The following FSTL5 variants were observed in gnomAD, a reference collection of about 807,000 sequenced individuals.
FSTL5 encodes follistatin like 5.
Under a neutral mutation model 89.1 loss-of-function variants are expected in FSTL5, and 62 were observed. The ratio of observed to expected loss-of-function variants is 0.70; its 90% CI spans 0.57 to 0.86. The LOEUF (loss-of-function observed/expected upper bound fraction) is 0.86, where lower values mean the gene tolerates loss of function less well. Ranked by LOEUF, FSTL5 falls within the 40% of genes least tolerant of loss-of-function variation. The pLI, the probability that FSTL5 is intolerant of heterozygous loss-of-function variation, is 0.00. For missense variants in FSTL5, 1,057 were observed against 1,001.6 expected, an observed-to-expected ratio of 1.06 and a Z score of -0.75; for synonymous variants, 383 against 346.2, an observed-to-expected ratio of 1.11 and a Z score of -1.18.
At chr4:161,561,592 G>A (rs1358745602) in intron 8 of FSTL5, among the ~76,000 whole-genome samples, 2 of 151,624 alleles carry the variant, frequency 1.3e-5, no homozygotes, top group African/African-American at 2.4e-5. Context: ...ACTTTAACAG[G>A]GAATTTAATG....
At chr4:162,137,436 A>G (rs903264358) in intron 1 of FSTL5, among the ~76,000 whole-genome samples, 7 of 151,850 alleles carry the variant, frequency 4.6e-5, no homozygotes, top group South Asian at 2.1e-4. Flanking sequence ...ACACAAGAAC[A>G]AAGTGGCTAG....
chr4:162,153,692 T>TATGTATATTATATATATATATAATA (rs1733332824), intron 1 of FSTL5, among the ~76,000 whole-genome samples: 1 of 83,452 alleles, frequency 1.2e-5, no homozygotes, highest in Non-Finnish European at 2.7e-5. Context: ...TATATAATAA[T>TATGTATATTATATATATATATAATA]ATATATGTAT....
At position 161,426,166 on chromosome 4, in the gene FSTL5, T is replaced by C. The variant is rs1732161133; in HGVS notation, c.1841+28838A>G. On this transcript the variant is annotated intron_variant, in intron 15 of 15. Transcript: ENST00000306100. Reference sequence around the variant, plus strand: ...TTCATTATATATAATGATTAAATTTTTGAATTAACTATATGTAGCAACTCT... The same window carrying C: ...TTCATTATATATAATGATTAAATTTCTGAATTAACTATATGTAGCAACTCT... Among the ~76,000 whole-genome samples the C allele has an allele frequency of 4.6e-5, 7 of 152,308 alleles. No individual in the cohort carries two copies. The South Asian group carries it at 1.4e-3, about 32-fold the overall frequency.
intron 2 of FSTL5, among the ~76,000 whole-genome samples, chr4:162,093,816 A>G (rs1448149451): frequency 6.6e-6 from 1 of 152,128 alleles, no homozygotes; most frequent in Non-Finnish European, 1.5e-5. Context: ...ATTACATACT[A>G]ATTCGCATTT....
intron 15 of FSTL5, among the ~76,000 whole-genome samples, chr4:161,430,554 C>G (rs1020270278): frequency 6.6e-6 from 1 of 152,124 alleles, no homozygotes; most frequent in African/African-American, 2.4e-5. Flanking sequence ...TCCTGGCTAA[C>G]ACGGTGAAAC....
At chr4:161,547,618 AT>A (rs1302199730) in intron 8 of FSTL5, among the ~76,000 whole-genome samples, 1 of 151,944 alleles carries the variant, frequency 6.6e-6, no homozygotes, top group African/African-American at 2.4e-5. Context: ...TATTGAGTTA[AT>A]TATAGACATT....
At chr4:162,078,394 GTTTAA>G (rs1379684771) in intron 2 of FSTL5, among the ~76,000 whole-genome samples, 1 of 151,760 alleles carries the variant, frequency 6.6e-6, no homozygotes, top group Non-Finnish European at 1.5e-5. Context: ...AAGTGTAATG[GTTTAA>G]TTTATTTAGT....
intron 6 of FSTL5, among the ~76,000 whole-genome samples, chr4:161,705,965 T>C (rs1293547537): frequency 5.2e-5 from 4 of 76,928 alleles, no homozygotes; most frequent in South Asian, 1.1e-3. Context: ...TATATATATA[T>C]ATATATATAT....
intron 2 of FSTL5, among the ~76,000 whole-genome samples, chr4:162,039,542 T>C (rs1343439657): frequency 6.6e-6 from 1 of 151,938 alleles, no homozygotes; most frequent in African/African-American, 2.4e-5. Context: ...GCATTTCCTT[T>C]AGTTGAATAG....
At chr4:161,707,602 C>A (rs1738625576) in intron 6 of FSTL5, among the ~76,000 whole-genome samples, 1 of 151,764 alleles carries the variant, frequency 6.6e-6, no homozygotes, top group African/African-American at 2.4e-5. Flanking sequence ...TAACATTTTT[C>A]TTCCAATTTT....
intron 6 of FSTL5, among the ~76,000 whole-genome samples, chr4:161,748,606 G>GT (rs5863480): frequency 0.011 from 1,104 of 103,452 alleles, 11 homozygotes; most frequent in African/African-American, 0.018. Context: ...GGGGAAGCAC[G>GT]TTTTTTTTTT....
At position 161,731,100 on chromosome 4, in the gene FSTL5, G is replaced by A. The variant is rs114974020; in HGVS notation, c.727+28311C>T. On this transcript the variant is annotated intron_variant, in intron 6 of 15. Transcript: ENST00000306100. ...TATTGTTAATCAATATATCTATTTT[G>A]CACCCTTAAGTTGCAAAAGTGATGT... Among the ~76,000 whole-genome samples the A allele has an allele frequency of 4.6e-3, 702 of 152,142 alleles. 4 individuals are homozygous for A. The highest frequency in any genetic ancestry group is 0.016 in the African/African-American group (678 of 41,516).
At chr4:162,107,541 C>T (rs1273473860) in intron 2 of FSTL5, among the ~76,000 whole-genome samples, 1 of 152,104 alleles carries the variant, frequency 6.6e-6, no homozygotes, top group African/African-American at 2.4e-5. Flanking sequence ...TTTTGGGTCA[C>T]AGACCTGCAA....
intron 3 of FSTL5, among the ~76,000 whole-genome samples, chr4:161,953,380 A>T (rs1734948279): frequency 6.6e-6 from 1 of 151,754 alleles, no homozygotes; most frequent in Admixed American, 6.6e-5. Flanking sequence ...TTTTAATCAC[A>T]TATTCCATTA....
At chr4:161,501,573 AT>A (rs1297808725) in intron 11 of FSTL5, among the ~76,000 whole-genome samples, 1 of 152,008 alleles carries the variant, frequency 6.6e-6, no homozygotes, top group Non-Finnish European at 1.5e-5. Flanking sequence ...AGGTTGTTTG[AT>A]ACATCTTATT....
rs376080174 is a variant in FSTL5, at chr4:162,144,224, C to T, written c.-17+19391G>A. 2.2e-4 allele frequency among the ~76,000 whole-genome samples: 33 copies of T among 152,052 alleles called. 1 individual carries two copies. Among genetic ancestry groups the T allele is most frequent in the South Asian group, 1.2e-3 (6 of 4,820 alleles). On this transcript the variant is annotated intron_variant, in intron 1 of 15. Transcript: ENST00000306100. ...AAGTTAGTGAACTTTCAAGCATGTACGCAAGGAACAAAATTCAAATGCACA... is the reference window on the plus strand; with the variant it reads ...AAGTTAGTGAACTTTCAAGCATGTATGCAAGGAACAAAATTCAAATGCACA...
intron 1 of FSTL5, among the ~76,000 whole-genome samples, chr4:162,143,735 C>CAT (rs1732842462): frequency 7.4e-6 from 1 of 134,684 alleles, no homozygotes; most frequent in Non-Finnish European, 1.6e-5. Flanking sequence ...CACACACACA[C>CAT]ACACACACAC....
At chr4:161,828,216 A>G (rs1730728554) in intron 4 of FSTL5, among the ~76,000 whole-genome samples, 1 of 152,106 alleles carries the variant, frequency 6.6e-6, no homozygotes, top group South Asian at 2.1e-4. Context: ...TTTTTCCATG[A>G]TCTGGACCTT....
Position 161,542,680 on chromosome 4 carries a change from G to T in FSTL5, c.1029C>A (p.Ile343=). ...TAGCCTGACTCTCTGGATACACCCG[G>T]ATGACTGGAGGAACTAAAGGAAAAA... is the stretch of plus-strand genomic sequence containing the variant. The part of the protein sequence containing the change: ...HIFQVNVPPV[I]RVYPESQARE... Residue 343 remains isoleucine (I), a synonymous_variant, in exon 9 of 16, where the codon ATC becomes ATA. Coordinates refer to ENST00000306100, the MANE Select transcript of FSTL5 (RefSeq NM_020116.5). 6.8e-7 allele frequency: 1 copy of T among 1,469,986 alleles called. No individual in the cohort carries two copies. The highest frequency in any genetic ancestry group is 2.2e-5 in the Admixed American group (1 of 44,932). 91.1% of individuals were successfully genotyped at this position (1,469,986 alleles called of 1,614,324 possible).
Sources: gnomAD v4.1 joint callset for allele counts (sites outside exome capture counted in the v4.1 genomes callset) on GRCh38, gnomAD v4.1.1 for gene constraint, MANE v1.5 for transcripts, NCBI Gene and HGNC (gene_info 2026-07-23, HGNC 2026-07-21) for gene names.